PSMF1: variants seen among roughly 807,000 people sequenced by gnomAD.
PSMF1 encodes proteasome inhibitor PI31 subunit.
A neutral mutation model predicts 29.3 loss-of-function variants in PSMF1; 30 were observed. The observed-to-expected ratio is 1.02, with a 90% CI of 0.77 to 1.39. PSMF1 has a LOEUF of 1.39. PSMF1 is among the 40% of genes most tolerant of loss of function. The probability of loss-of-function intolerance (pLI) is 0.00; values close to 1 mark genes in which losing one functional copy is unlikely to be tolerated. For missense variants in PSMF1, 344 were observed against 357.5 expected (o/e 0.96, Z 0.31); for synonymous variants, 134 against 139.7 (o/e 0.96, Z 0.29).
intron 3 of PSMF1, among the ~76,000 whole-genome samples, chr20:1,128,693 C>A (rs985733561): frequency 1.9e-5 from 2 of 106,352 alleles, no homozygotes; most frequent in Non-Finnish European, 4.1e-5. Flanking sequence ...AGGGATTTTC[C>A]CCCCATCTTC....
At position 1,163,473 on chromosome 20, in the gene PSMF1, C is replaced by T. The variant is rs140878907; in HGVS notation, c.605+290C>T. The stretch of plus-strand genomic sequence containing the variant: ...AGTTTATCAGATGTATAGTGAGGAG[C>T]ACATGGTGGGCCTTAGGGCAGCTCA... On this transcript the variant is annotated intron_variant, in intron 5 of 6. Transcript: ENST00000335877. The surrounding 1 kb of genome is among the most constrained non-coding windows in gnomAD (Gnocchi z 6.1). 4.1e-3 allele frequency among the ~76,000 whole-genome samples: 621 copies of T among 152,316 alleles called. 4 individuals carry two copies. The highest frequency in any genetic ancestry group is 0.014 in the African/African-American group (599 of 41,556).
chr20:1,151,525 G>A (rs1826900018), intron 4 of PSMF1, among the ~76,000 whole-genome samples: 1 of 152,196 alleles, frequency 6.6e-6, no homozygotes, highest in Non-Finnish European at 1.5e-5. Flanking sequence ...TCACACATCT[G>A]TGAAATGGTG....
intron 4 of PSMF1, among the ~76,000 whole-genome samples, chr20:1,148,923 T>C (rs536023784): frequency 1.2e-3 from 184 of 152,334 alleles, no homozygotes; most frequent in African/African-American, 4.2e-3. Flanking sequence ...ACAAATGATA[T>C]TTTCAAAATA....
chr20:1,162,024 G>C (rs1025113020), intron 4 of PSMF1, among the ~76,000 whole-genome samples: 1 of 152,134 alleles, frequency 6.6e-6, no homozygotes. Flanking sequence ...CTATGGCTTG[G>C]GGGGTCTGTG....
intron 4 of PSMF1, among the ~76,000 whole-genome samples, chr20:1,143,500 A>C (rs2086409411): frequency 6.6e-6 from 1 of 152,340 alleles, no homozygotes; most frequent in Admixed American, 6.5e-5. Context: ...ATTGATTTAA[A>C]TGTAACATAC....
At chr20:1,121,227 A>C (rs967745125) in intron 1 of PSMF1, among the ~76,000 whole-genome samples, 1 of 152,184 alleles carries the variant, frequency 6.6e-6, no homozygotes, top group Non-Finnish European at 1.5e-5. Context: ...CAGGCCAGAA[A>C]AAGATGCTGG....
rs886402762 is a variant in PSMF1 at position 1,168,244 on chromosome 20, C to T, written c.*3164C>T. 2.6e-5 allele frequency: 4 copies of T among 152,170 alleles called. No homozygotes were observed. The East Asian group carries it at 7.7e-4, about 29-fold the overall frequency. The allele number at this position is 152,170 out of a possible 1,614,324, so 9.4% of individuals were successfully genotyped here. ...GTTCTAGGCTGGATGTGATACAGGG[C>T]AGGTTTTGTCTCTAGAGAAAGTTCT... On this transcript the variant is annotated 3_prime_UTR_variant, in exon 7 of 7. Coordinates refer to ENST00000335877, the MANE Select transcript of PSMF1 (RefSeq NM_006814.5).
chr20:1,148,811 C>CT (rs2086489262), intron 4 of PSMF1, among the ~76,000 whole-genome samples: 1 of 151,896 alleles, frequency 6.6e-6, no homozygotes, highest in Non-Finnish European at 1.5e-5. Flanking sequence ...GGACCTCAAA[C>CT]TTTATGTTCT....
At chr20:1,143,116 A>G (rs1177730887) in intron 4 of PSMF1, among the ~76,000 whole-genome samples, 1 of 152,266 alleles carries the variant, frequency 6.6e-6, no homozygotes, top group Non-Finnish European at 1.5e-5. Flanking sequence ...CCTATCAAAA[A>G]TCCCAACAAG....
rs2086781794 is a variant in PSMF1, at chr20:1,170,732, CAG to C, written c.*5657_*5658del. On this transcript the variant is annotated 3_prime_UTR_variant, in exon 7 of 7. Transcript: ENST00000335877. Reference sequence around the variant, plus strand: ...CCAACCAAATAATGTGTCTTATTAACAGAGAGTTGGGGCTCGGTGGGTGCTTG... The same window carrying C: ...CCAACCAAATAATGTGTCTTATTAACAGAGTTGGGGCTCGGTGGGTGCTTG... Among the ~76,000 whole-genome samples the C allele has an allele frequency of 6.6e-6, 1 of 151,902 alleles. No individual in the cohort carries two copies. The highest frequency in any genetic ancestry group is 2.4e-5 in the African/African-American group (1 of 41,316).
At chr20:1,126,563 C>CA (rs1195992655) in intron 2 of PSMF1, among the ~76,000 whole-genome samples, 1 of 151,874 alleles carries the variant, frequency 6.6e-6, no homozygotes, top group African/African-American at 2.4e-5. Context: ...TTAGTTTAAG[C>CA]AAAAAGGGTT....
At chr20:1,123,825 T>C (rs1001030621) in intron 1 of PSMF1, among the ~76,000 whole-genome samples, 1 of 152,232 alleles carries the variant, frequency 6.6e-6, no homozygotes, top group South Asian at 2.1e-4. Context: ...AGGTTCCCAT[T>C]CTCCCCACAC....
At chr20:1,145,602 G>A (rs576854846) in intron 4 of PSMF1, among the ~76,000 whole-genome samples, 2 of 152,308 alleles carry the variant, frequency 1.3e-5, no homozygotes, top group Admixed American at 1.3e-4. Flanking sequence ...GGGTTGCTGA[G>A]ACCAGGTCAA....
intron 4 of PSMF1, among the ~76,000 whole-genome samples, chr20:1,141,271 G>A (rs2086376301): frequency 6.6e-6 from 1 of 152,106 alleles, no homozygotes; most frequent in Non-Finnish European, 1.5e-5. Context: ...CATATTCTGT[G>A]AACATCTAAA....
rs189883578 is a variant in PSMF1 at position 1,138,448 on chromosome 20, G to A, written c.551+3142G>A. Among the ~76,000 whole-genome samples the A allele has an allele frequency of 1.4e-3, 207 of 151,646 alleles. 3 individuals carry two copies. The highest frequency in any genetic ancestry group is 8.0e-4 in the Non-Finnish European group (54 of 67,910). The stretch of plus-strand genomic sequence containing the variant: ...TGAGGCACAGGAATCGCTTGAACCC[G>A]GGAGGTGGAGGTTGTAGGGAGCTGA... On this transcript the variant is annotated intron_variant, in intron 4 of 6. Transcript: ENST00000335877.
chr20:1,146,127 TAGAG>T (rs2086446189), intron 4 of PSMF1, among the ~76,000 whole-genome samples: 1 of 152,108 alleles, frequency 6.6e-6, no homozygotes, highest in Admixed American at 6.5e-5. Context: ...ATAGGTGAGT[TAGAG>T]AGATAATTGC....
intron 2 of PSMF1, 105 bp downstream of exon 2, chr20:1,125,755 C>T (rs1413492194): frequency 1.4e-6 from 2 of 1,407,652 alleles, no homozygotes; most frequent in Non-Finnish European, 1.9e-6. Context: ...TTCATGTAGC[C>T]CTTACCTAGT....
At chr20:1,151,320 AG>A (rs1373856086) in intron 4 of PSMF1, among the ~76,000 whole-genome samples, 3 of 152,248 alleles carry the variant, frequency 2.0e-5, no homozygotes, top group Non-Finnish European at 4.4e-5. Context: ...ATGTACAGTA[AG>A]TAACTTCACA....
Position 1,164,231 on chromosome 20 carries a change from A to G in PSMF1, c.606-87A>G, listed in dbSNP as rs2086700514. The G allele has an allele frequency of 3.0e-6, 4 of 1,353,980 alleles. No individual in the cohort carries two copies. The African/African-American group carries it at 4.3e-5, about 15-fold the overall frequency. The allele number at this position is 1,353,980 out of a possible 1,614,324, so 83.9% of individuals were successfully genotyped here. A position where few individuals can be genotyped will look rare whatever the true frequency, so the allele number is the denominator to read the frequency against. On this transcript the variant is annotated intron_variant, in intron 5 of 6. Transcript: ENST00000335877. This position sits in a 1 kb window ranked among gnomAD's most constrained non-coding sequence, Gnocchi z 4.1. ...GCCATCCAGAGTAGACATCCCAGCCATTCTTGGTGCATTGTAACCTCCCTC... is the reference window on the plus strand; with the variant it reads ...GCCATCCAGAGTAGACATCCCAGCCGTTCTTGGTGCATTGTAACCTCCCTC...
Sources: allele counts gnomAD v4.1 joint callset (sites outside exome capture counted in the v4.1 genomes callset), GRCh38; gene constraint gnomAD v4.1.1; non-coding constraint Gnocchi (gnomAD v3.1); transcripts MANE v1.5; gene names NCBI Gene and HGNC (gene_info 2026-07-23, HGNC 2026-07-21).